Variants in GABRA3 observed in about 807,000 individuals in gnomAD.
The protein encoded by GABRA3 is gamma-aminobutyric acid receptor subunit alpha-3.
Under a neutral mutation model 30.1 loss-of-function variants are expected in GABRA3, and 10 were observed. The observed-to-expected ratio is 0.33, with a 90% CI of 0.20 to 0.56. The LOEUF is 0.56. Among genes scored for constraint, GABRA3 ranks in the 20% least tolerant of loss-of-function variants. GABRA3 has a pLI of 0.89. For synonymous variants in GABRA3, 151 were observed against 146.8 expected, an observed-to-expected ratio of 1.03 and a Z score of -0.21; for missense variants, 233 against 392.0, an observed-to-expected ratio of 0.59 and a Z score of 3.42.
chrX:152,274,470 T>A lies in GABRA3; in HGVS notation c.330+10198A>T, dbSNP rs995045506. On this transcript the variant is annotated intron_variant, in intron 4 of 9. Transcript: ENST00000370314. ...ACAAAAAGGTTTTACATCCTACAGATCATTCTCTTTCAATATGAGGCATTA... is the reference window on the plus strand; with the variant it reads ...ACAAAAAGGTTTTACATCCTACAGAACATTCTCTTTCAATATGAGGCATTA... Among the ~76,000 whole-genome samples the A allele has an allele frequency of 5.4e-5, 6 of 110,753 alleles. No homozygotes were observed. The Admixed American group carries it at 5.8e-4, about 11-fold the overall frequency.
At chrX:152,420,396 T>G (rs941292524) in intron 1 of GABRA3, among the ~76,000 whole-genome samples, 1 of 111,566 alleles carries the variant, frequency 9.0e-6, no homozygotes. Context: ...GATTCATCAG[T>G]AACTCTGAGC....
intron 9 of GABRA3, among the ~76,000 whole-genome samples, chrX:152,172,361 T>C (rs989552472): frequency 9.0e-6 from 1 of 111,614 alleles, no homozygotes; most frequent in African/African-American, 3.3e-5. Flanking sequence ...TGTAAAATGG[T>C]GCAACCACTA....
In GABRA3 at chrX:152,209,232, G is replaced by A. The variant is rs949598647; in HGVS notation, c.635-1088C>T. 2.7e-5 allele frequency among the ~76,000 whole-genome samples: 3 copies of A among 112,027 alleles called. No individual in the cohort carries two copies. The East Asian group carries it at 8.4e-4, about 31-fold the overall frequency. On this transcript the variant is annotated intron_variant, in intron 6 of 9. Coordinates refer to ENST00000370314, the MANE Select transcript of GABRA3 (RefSeq NM_000808.4). Reference sequence around the variant, plus strand: ...ATTTAGAATTCCAATGTCAAGTACAGAATTTGTATAGATTAACAGGGGCGT... The same window carrying A: ...ATTTAGAATTCCAATGTCAAGTACAAAATTTGTATAGATTAACAGGGGCGT...
chrX:152,202,314 T>A (rs1937493999), intron 7 of GABRA3, among the ~76,000 whole-genome samples: 1 of 111,790 alleles, frequency 8.9e-6, no homozygotes, highest in South Asian at 3.7e-4. Flanking sequence ...TAATTTATGG[T>A]CACAATAAAA....
intron 5 of GABRA3, chrX:152,251,198 G>A (rs1938548143): frequency 3.5e-6 from 1 of 288,078 alleles, no homozygotes; most frequent in Non-Finnish European, 6.7e-6. Flanking sequence ...TAAGCACAAG[G>A]GCATTCTACA....
At chrX:152,438,156 GAA>G (rs755398083) in intron 1 of GABRA3, among the ~76,000 whole-genome samples, 2 of 111,979 alleles carry the variant, frequency 1.8e-5, no homozygotes, top group African/African-American at 6.5e-5. Flanking sequence ...CAAAAGAACT[GAA>G]GAGACAGCTC....
chrX:152,311,325 C>G (rs1441988576), intron 3 of GABRA3, among the ~76,000 whole-genome samples: 2 of 111,622 alleles, frequency 1.8e-5, no homozygotes, highest in African/African-American at 6.5e-5. Context: ...ACTAGCACAC[C>G]AAATCCAGCA....
rs1314638989 is a variant in GABRA3 at position 152,166,456 on chromosome X, G to T, written c.*1772C>A. ...GACACAGTCTTAGGAATAATGGGAC[G>T]GGCATGCATTATCCCAGCAATGGCA... On this transcript the variant is annotated 3_prime_UTR_variant, in exon 10 of 10. Coordinates refer to ENST00000370314, the MANE Select transcript of GABRA3 (RefSeq NM_000808.4). 9.4e-6 allele frequency: 1 copy of T among 106,027 alleles called. No individual in the cohort carries two copies. Among genetic ancestry groups the T allele is most frequent in the Admixed American group, 1.0e-4 (1 of 9,584 alleles). The allele number at this position is 106,027 out of a possible 1,213,427, so 8.7% of individuals were successfully genotyped here.
chrX:152,173,906 C>T (rs1381614438), intron 9 of GABRA3, among the ~76,000 whole-genome samples: 2 of 110,128 alleles, frequency 1.8e-5, no homozygotes, highest in Non-Finnish European at 3.8e-5. Context: ...CGTCATTTAG[C>T]ATTAGGTATA....
chrX:152,289,980 G>A (rs1242907341), intron 3 of GABRA3, among the ~76,000 whole-genome samples: 2 of 111,891 alleles, frequency 1.8e-5, no homozygotes, highest in Non-Finnish European at 3.8e-5. Flanking sequence ...ATAAACATAT[G>A]TGTGCATGTT....
At chrX:152,175,691 G>T (rs1937064470) in intron 9 of GABRA3, among the ~76,000 whole-genome samples, 1 of 111,670 alleles carries the variant, frequency 9.0e-6, no homozygotes, top group Non-Finnish European at 1.9e-5. Context: ...GCTGTGAAAA[G>T]ATCTCAACAA....
chrX:152,415,085 T>C (rs1930177078), intron 1 of GABRA3, among the ~76,000 whole-genome samples: 2 of 111,104 alleles, frequency 1.8e-5, no homozygotes, highest in African/African-American at 6.5e-5. Flanking sequence ...TATTGGTGGA[T>C]ACAATGCATT....
rs1397798711 is a variant in GABRA3 at position 152,360,735 on chromosome X, AAATTAAAAAAAAAAAT to A, written c.140+3680_140+3695del. ...ATTAAAAAAAAAAAATTAAAAAAAA[AAATTAAAAAAAAAAAT>A]AAATTAAAAAAAAAAAATGTTTCTA... is the stretch of plus-strand genomic sequence containing the variant. On this transcript the variant is annotated intron_variant, in intron 2 of 9. Transcript: ENST00000370314. Among the ~76,000 whole-genome samples the A allele has an allele frequency of 4.1e-3, 371 of 89,759 alleles. 5 individuals are homozygous for A. Among genetic ancestry groups the A allele is most frequent in the African/African-American group, 0.016 (362 of 22,453 alleles). 77.9% of individuals were successfully genotyped at this position (89,759 alleles called of 115,157 possible). A position where few individuals can be genotyped will look rare whatever the true frequency, so the allele number is the denominator to read the frequency against.
intron 7 of GABRA3, among the ~76,000 whole-genome samples, chrX:152,200,925 T>C (rs748914187): frequency 1.2e-4 from 13 of 112,122 alleles, no homozygotes; most frequent in African/African-American, 4.2e-4. Context: ...GTCTGTCTTC[T>C]GAAGAGGTGA....
intron 9 of GABRA3, among the ~76,000 whole-genome samples, chrX:152,171,720 G>A (rs952993068): frequency 1.8e-5 from 2 of 111,614 alleles, no homozygotes; most frequent in Non-Finnish European, 3.8e-5. Context: ...GACCTTTGCT[G>A]CATAAATAGC....
chrX:152,246,190 G>A (rs982973198), intron 5 of GABRA3, among the ~76,000 whole-genome samples: 1 of 111,209 alleles, frequency 9.0e-6, no homozygotes, highest in African/African-American at 3.3e-5. Context: ...CTGTCTAGGG[G>A]TAGCATCTAA....
At chrX:152,217,992 TC>T (rs910913792) in intron 6 of GABRA3, among the ~76,000 whole-genome samples, 2 of 108,948 alleles carry the variant, frequency 1.8e-5, no homozygotes, top group Non-Finnish European at 3.8e-5. Context: ...TATTATTTTT[TC>T]CTTCTGCTTG....
At chrX:152,414,397 A>C (rs934364365) in intron 1 of GABRA3, among the ~76,000 whole-genome samples, 2 of 111,609 alleles carry the variant, frequency 1.8e-5, no homozygotes, top group African/African-American at 6.5e-5. Flanking sequence ...CTTTCACCAA[A>C]GAAAATATAC....
intron 3 of GABRA3, among the ~76,000 whole-genome samples, chrX:152,342,589 T>C (rs753520522): frequency 8.9e-6 from 1 of 111,784 alleles, no homozygotes; most frequent in Non-Finnish European, 1.9e-5. Context: ...AATTTTTGAC[T>C]GGAAACTTTT....
Sources: gnomAD v4.1 joint callset for allele counts (sites outside exome capture counted in the v4.1 genomes callset) on GRCh38, gnomAD v4.1.1 for gene constraint, MANE v1.5 for transcripts, NCBI Gene and HGNC (gene_info 2026-07-23, HGNC 2026-07-21) for gene names.